PPP2CB: variants seen among roughly 807,000 people sequenced by gnomAD.
The protein encoded by PPP2CB is protein phosphatase 2 catalytic subunit beta.
In PPP2CB, 18 loss-of-function variants were observed where a neutral mutation model predicts 39.1. That is an observed-to-expected ratio of 0.46 (90% CI 0.32 to 0.68). The LOEUF is 0.68. Ranked by LOEUF, PPP2CB falls within the 30% of genes least tolerant of loss-of-function variation. PPP2CB has a pLI of 0.04. For synonymous variants in PPP2CB, 129 were observed against 133.8 expected, an observed-to-expected ratio of 0.96 and a Z score of 0.25; for missense variants, 226 against 396.9, an observed-to-expected ratio of 0.57 and a Z score of 3.66.
intron 6 of PPP2CB, 198 bp from the exon 7 acceptor site, chr8:30,786,505 A>ATTTTTTTTTTTTTTTTT: frequency 2.6e-6 from 1 of 388,824 alleles, no homozygotes; most frequent in Non-Finnish European, 4.5e-6. Flanking sequence ...CTATGGTGAA[A>ATTTTTTTTTTTTTTTTT]ATTTAAGAAG....
At chr8:30,803,580 A>T (rs1806661607) in intron 1 of PPP2CB, among the ~76,000 whole-genome samples, 1 of 151,706 alleles carries the variant, frequency 6.6e-6, no homozygotes, top group African/African-American at 2.4e-5. Context: ...CCTGCCCAAG[A>T]CATGTCAATC....
chr8:30,791,999 T>C (rs1480316248), intron 5 of PPP2CB, among the ~76,000 whole-genome samples: 2 of 150,324 alleles, frequency 1.3e-5, no homozygotes, highest in East Asian at 1.9e-4. Flanking sequence ...TGTGCATATA[T>C]GTATACACAC....
chr8:30,793,410 A>C (rs1200994748), intron 5 of PPP2CB: 1 of 152,486 alleles, frequency 6.6e-6, no homozygotes, highest in African/African-American at 2.4e-5. Context: ...TTAGTGAGAC[A>C]ATTAGCAAAA....
At chr8:30,800,934 C>T (rs796716318) in intron 1 of PPP2CB, among the ~76,000 whole-genome samples, 16 of 152,180 alleles carry the variant, frequency 1.1e-4, no homozygotes, top group African/African-American at 2.9e-4. Flanking sequence ...CAGCCTGGCG[C>T]GGTGGCTCAT....
chr8:30,810,544 T>C (rs77879836), intron 1 of PPP2CB, among the ~76,000 whole-genome samples: 10,623 of 152,290 alleles, frequency 0.07, 747 homozygotes, highest in African/African-American at 0.18. Flanking sequence ...CTGATGCTCA[T>C]AGTCAGGTTA....
chr8:30,808,169 G>A (rs1806756830), intron 1 of PPP2CB, among the ~76,000 whole-genome samples: 1 of 152,012 alleles, frequency 6.6e-6, no homozygotes, highest in African/African-American at 2.4e-5. Context: ...GGCGATCTCG[G>A]CTCACTGCAA....
At chr8:30,796,925 C>T (rs1170943810) in intron 3 of PPP2CB, among the ~76,000 whole-genome samples, 1 of 152,172 alleles carries the variant, frequency 6.6e-6, no homozygotes, top group East Asian at 1.9e-4. Context: ...CTCACTGCAG[C>T]CTTAACTTCC....
chr8:30,795,760 T>C (rs1258483354), intron 3 of PPP2CB, among the ~76,000 whole-genome samples: 4 of 152,234 alleles, frequency 2.6e-5, no homozygotes, highest in East Asian at 3.8e-4. Context: ...CAAGCCAATT[T>C]TAATAACTGG....
intron 1 of PPP2CB, among the ~76,000 whole-genome samples, chr8:30,807,404 A>G (rs1806742709): frequency 6.6e-6 from 1 of 152,250 alleles, no homozygotes; most frequent in Non-Finnish European, 1.5e-5. Flanking sequence ...CAAGCATACT[A>G]TTTCACATTA....
chr8:30,785,909 C>T lies in PPP2CB; in HGVS notation c.*326G>A. On this transcript the variant is annotated 3_prime_UTR_variant, in exon 7 of 7. Transcript: ENST00000221138. ...AATCCATGCCAGTTAAACACTATAA[C>T]TAAAATTTCCAAATAAGCGCAAAAG... 2.1e-6 allele frequency: 1 copy of T among 476,428 alleles called. No individual in the cohort carries two copies. The highest frequency in any genetic ancestry group is 2.5e-5 in the Admixed American group (1 of 39,710). The allele number at this position is 476,428 out of a possible 1,614,324, so 29.5% of individuals were successfully genotyped here.
Position 30,795,717 on chromosome 8 carries a change from AT to A in PPP2CB, c.487-1437del, listed in dbSNP as rs146096409. 3.3e-3 allele frequency among the ~76,000 whole-genome samples: 508 copies of A among 152,280 alleles called. 4 individuals carry two copies. Among genetic ancestry groups the A allele is most frequent in the Non-Finnish European group, 5.0e-3 (342 of 68,018 alleles). ...ATAAAACTATTTACACCTGGTTGCT[AT>A]TGGTTGTTTACTTATATTGGACGAA... is the stretch of plus-strand genomic sequence containing the variant. On this transcript the variant is annotated intron_variant, in intron 3 of 6. Coordinates refer to ENST00000221138, the MANE Select transcript of PPP2CB (RefSeq NM_001009552.2).
intron 1 of PPP2CB, among the ~76,000 whole-genome samples, chr8:30,805,817 A>G (rs1047514863): frequency 1.3e-5 from 2 of 152,224 alleles, no homozygotes; most frequent in Non-Finnish European, 2.9e-5. Context: ...TGATGCTATT[A>G]TAACGCAAGT....
intron 1 of PPP2CB, 140 bp downstream of exon 1, chr8:30,812,180 G>C: frequency 2.2e-6 from 1 of 453,064 alleles, no homozygotes; most frequent in Non-Finnish European, 3.3e-6. Flanking sequence ...CCGCCTAGGT[G>C]GACGCCGGAG....
Position 30,791,330 on chromosome 8 carries a change from CA to C in PPP2CB, c.739-16del, listed in dbSNP as rs1806424581. 2 of 1,508,358 alleles carry C rather than the reference CA, an allele frequency of 1.3e-6. No homozygotes were observed. Among genetic ancestry groups the C allele is most frequent in the Non-Finnish European group, 1.8e-6 (2 of 1,096,336 alleles). The allele number at this position is 1,508,358 out of a possible 1,614,324, so 93.4% of individuals were successfully genotyped here. Reference sequence around the variant, plus strand: ...CAATTGTATCCCTGCAGGATAAAAACAAATTCATTATTTCATTATAATATTA... The same window carrying C: ...CAATTGTATCCCTGCAGGATAAAAACAATTCATTATTTCATTATAATATTA... On this transcript the variant is annotated splice_polypyrimidine_tract_variant and intron_variant, in intron 5 of 6. Coordinates refer to ENST00000221138, the MANE Select transcript of PPP2CB (RefSeq NM_001009552.2).
intron 3 of PPP2CB, chr8:30,794,596 C>T (rs1271377780): frequency 1.1e-5 from 3 of 274,668 alleles, no homozygotes; most frequent in Non-Finnish European, 2.0e-5. Context: ...TCCCTCCTTT[C>T]TTTTCTTTCT....
At chr8:30,789,977 T>G (rs1806405112) in intron 6 of PPP2CB, among the ~76,000 whole-genome samples, 1 of 152,166 alleles carries the variant, frequency 6.6e-6, no homozygotes, top group Admixed American at 6.5e-5. Context: ...ATGCATCACT[T>G]GAATCTCTGG....
chr8:30,803,393 A>T (rs554676280), intron 1 of PPP2CB, among the ~76,000 whole-genome samples: 5 of 152,214 alleles, frequency 3.3e-5, no homozygotes, highest in Non-Finnish European at 7.4e-5. Context: ...AAAATGAGTA[A>T]AAAAAGCCAG....
In PPP2CB at chr8:30,793,536, G is replaced by C. The variant is rs377703956; in HGVS notation, c.738+381C>G. 5.8e-4 allele frequency: 94 copies of C among 162,632 alleles called. No homozygotes were observed. In the South Asian group the frequency reaches 0.017, roughly 30 times the overall value. 10.1% of individuals were successfully genotyped at this position (162,632 alleles called of 1,614,324 possible). On this transcript the variant is annotated intron_variant, in intron 5 of 6. Transcript: ENST00000221138. ...TCCTTAATTTTACAAAATACACATA[G>C]AAAGTTGGTAGTAAAGGAGTATCTG...
chr8:30,787,076 T>G (rs1563574115), intron 6 of PPP2CB, among the ~76,000 whole-genome samples: 1 of 152,244 alleles, frequency 6.6e-6, no homozygotes, highest in Admixed American at 6.5e-5. Context: ...ATATGGTTTA[T>G]TATATTGATT....
Sources: gnomAD v4.1 joint callset for allele counts (sites outside exome capture counted in the v4.1 genomes callset) on GRCh38, gnomAD v4.1.1 for gene constraint, MANE v1.5 for transcripts, NCBI Gene and HGNC (gene_info 2026-07-23, HGNC 2026-07-21) for gene names.